MGAT4C: variants seen among roughly 807,000 people sequenced by gnomAD.
MGAT4C encodes MGAT4 family member C.
MGAT4C carries 19 observed loss-of-function variants against 40.1 expected under a neutral mutation model. That is an observed-to-expected ratio of 0.47 (90% confidence interval 0.33 to 0.70). The LOEUF is 0.70. MGAT4C is among the 30% of genes least tolerant of loss of function. The pLI is 0.02. For synonymous variants in MGAT4C, 181 were observed against 187.1 expected (o/e 0.97, Z 0.27); for missense variants, 491 against 563.2 (o/e 0.87, Z 1.30).
At chr12:86,650,093 A>G (rs908197412) in intron 2 of MGAT4C, among the ~76,000 whole-genome samples, 1 of 151,806 alleles carries the variant, frequency 6.6e-6, no homozygotes, top group Non-Finnish European at 1.5e-5. Context: ...TTTTCATGGC[A>G]TTCTATATTT....
At chr12:86,689,504 G>T (rs755868784) in intron 2 of MGAT4C, among the ~76,000 whole-genome samples, 3 of 152,140 alleles carry the variant, frequency 2.0e-5, no homozygotes, top group African/African-American at 7.2e-5. Flanking sequence ...TTGCATGGGC[G>T]TCCTTTTTGT....
intron 1 of MGAT4C, among the ~76,000 whole-genome samples, chr12:86,235,074 C>T (rs1951476039): frequency 6.6e-6 from 1 of 152,008 alleles, no homozygotes; most frequent in Non-Finnish European, 1.5e-5. Context: ...AACAAAACCT[C>T]TCTTATTCCA....
chr12:86,661,360 AT>A (rs946539743), intron 2 of MGAT4C, among the ~76,000 whole-genome samples: 3 of 152,140 alleles, frequency 2.0e-5, no homozygotes, highest in Non-Finnish European at 4.4e-5. Flanking sequence ...AGTTAAAGCA[AT>A]GAGATTTAAA....
rs532634629 is a variant in MGAT4C, at chr12:85,971,644, C to T, written c.*7645G>A. 19 of 151,254 alleles carry T rather than the reference C, an allele frequency of 1.3e-4. No individual in the cohort carries two copies. The highest frequency in any genetic ancestry group is 3.1e-4 in the African/African-American group (13 of 41,438). The allele number at this position is 151,254 out of a possible 1,614,324, so 9.4% of individuals were successfully genotyped here. On this transcript the variant is annotated 3_prime_UTR_variant, in exon 5 of 5. Coordinates refer to ENST00000611864, the MANE Select transcript of MGAT4C (RefSeq NM_001351288.2). Reference sequence around the variant, plus strand: ...TTCTAGTAAGTAAAAACACTAGATACGTACCAAAATTGTCTTTTGACCCTC... The same window carrying T: ...TTCTAGTAAGTAAAAACACTAGATATGTACCAAAATTGTCTTTTGACCCTC...
chr12:86,548,218 G>C (rs1411944454), intron 2 of MGAT4C, among the ~76,000 whole-genome samples: 1 of 152,006 alleles, frequency 6.6e-6, no homozygotes. Flanking sequence ...ATAAGTCAAA[G>C]TAAGAAACTG....
chr12:86,683,264 ACTATCTATCAT>A (rs1330236543), intron 2 of MGAT4C, among the ~76,000 whole-genome samples: 5 of 152,194 alleles, frequency 3.3e-5, no homozygotes, highest in African/African-American at 1.2e-4. Context: ...AATTTATTTA[ACTATCTATCAT>A]CTATCTATCT....
intron 2 of MGAT4C, among the ~76,000 whole-genome samples, chr12:86,575,116 C>T (rs1248005777): frequency 6.6e-6 from 1 of 151,718 alleles, no homozygotes; most frequent in Non-Finnish European, 1.5e-5. Flanking sequence ...CTCATCTCTT[C>T]TCATTTATGC....
Position 85,978,881 on chromosome 12 carries a change from C to T in MGAT4C, c.*408G>A, listed in dbSNP as rs935251753. On this transcript the variant is annotated 3_prime_UTR_variant, in exon 5 of 5. Transcript: ENST00000611864. ...CATTCCACCCAACTGTATATTCCCA[C>T]AGATGCTTAATAAAAGCTATCTGAT... is the stretch of plus-strand genomic sequence containing the variant. 6.5e-6 allele frequency: 1 copy of T among 154,796 alleles called. No individual in the cohort carries two copies. The highest frequency in any genetic ancestry group is 2.4e-5 in the African/African-American group (1 of 41,428). 9.6% of individuals were successfully genotyped at this position (154,796 alleles called of 1,614,324 possible).
intron 2 of MGAT4C, among the ~76,000 whole-genome samples, chr12:86,005,271 A>G (rs1232550325): frequency 6.6e-6 from 1 of 152,152 alleles, no homozygotes; most frequent in Non-Finnish European, 1.5e-5. Context: ...TACATATAAT[A>G]TTTTCTCCCT....
chr12:86,441,539 T>G (rs1957228458), intron 2 of MGAT4C, among the ~76,000 whole-genome samples: 4 of 123,190 alleles, frequency 3.2e-5, no homozygotes, highest in Non-Finnish European at 6.4e-5. Context: ...GATATTCCCC[T>G]TCCTGTGTTC....
intron 1 of MGAT4C, among the ~76,000 whole-genome samples, chr12:86,824,330 T>C (rs1163082740): frequency 2.6e-5 from 4 of 151,658 alleles, no homozygotes; most frequent in African/African-American, 7.2e-5. Flanking sequence ...TTATCTACTT[T>C]ATAAGAAAAA....
chr12:86,324,954 A>C (rs554356155), intron 4 of MGAT4C, among the ~76,000 whole-genome samples: 1 of 152,252 alleles, frequency 6.6e-6, no homozygotes, highest in Admixed American at 6.5e-5. Context: ...TTAGTTTCAG[A>C]TGAGCATTTA....
intron 1 of MGAT4C, among the ~76,000 whole-genome samples, chr12:86,166,342 AAAC>A (rs993529916): frequency 9.9e-5 from 15 of 152,190 alleles, no homozygotes; most frequent in Non-Finnish European, 1.3e-4. Flanking sequence ...ACAAACAAAC[AAAC>A]AACAACAACA....
intron 1 of MGAT4C, among the ~76,000 whole-genome samples, chr12:86,117,044 A>G (rs1006571225): frequency 1.3e-5 from 2 of 152,074 alleles, no homozygotes; most frequent in African/African-American, 4.8e-5. Context: ...ATATTTGATA[A>G]TATCTTATTA....
At chr12:86,717,141 A>G (rs183074580) in intron 2 of MGAT4C, among the ~76,000 whole-genome samples, 1 of 152,148 alleles carries the variant, frequency 6.6e-6, no homozygotes, top group East Asian at 1.9e-4. Flanking sequence ...AATTTTTTTA[A>G]AAAACAGACA....
chr12:86,242,218 T>C lies in MGAT4C; in HGVS notation c.-57+14021A>G, dbSNP rs114322428. On this transcript the variant is annotated intron_variant, in intron 1 of 4. Coordinates refer to ENST00000611864, the MANE Select transcript of MGAT4C (RefSeq NM_001351288.2). ...GCAGTTAACAGGCAGACATTGATTA[T>C]AGAGCTGCACCCATTCAGTCTAACT... Among the ~76,000 whole-genome samples the C allele has an allele frequency of 3.5e-3, 532 of 152,282 alleles. 1 individual carries two copies. Among genetic ancestry groups the C allele is most frequent in the African/African-American group, 0.012 (515 of 41,566 alleles).
intron 2 of MGAT4C, among the ~76,000 whole-genome samples, chr12:86,724,458 T>C (rs1477416681): frequency 1.3e-5 from 2 of 152,190 alleles, no homozygotes; most frequent in Non-Finnish European, 2.9e-5. Flanking sequence ...CAGAGCCATC[T>C]TTTGGGACCC....
At chr12:86,551,045 C>G (rs1183748224) in intron 2 of MGAT4C, among the ~76,000 whole-genome samples, 2 of 151,812 alleles carry the variant, frequency 1.3e-5, no homozygotes, top group African/African-American at 4.8e-5. Flanking sequence ...AAGCCCAAGA[C>G]AGAGCACCAA....
rs139527975 is a variant in MGAT4C, at chr12:86,171,355, G to A, written c.-57+84884C>T. ...TTGCACTCCAGCCTGGGCAACAAGA[G>A]TGAAATTCCATCTCAAAAAAATAAA... On this transcript the variant is annotated intron_variant, in intron 1 of 4. Transcript: ENST00000611864. Among the ~76,000 whole-genome samples the A allele has an allele frequency of 2.4e-3, 372 of 152,250 alleles. 2 individuals are homozygous for A. Among genetic ancestry groups the A allele is most frequent in the Non-Finnish European group, 3.2e-3 (217 of 68,008 alleles).
Sources: gnomAD v4.1 joint callset for allele counts (sites outside exome capture counted in the v4.1 genomes callset) on GRCh38, gnomAD v4.1.1 for gene constraint, MANE v1.5 for transcripts, NCBI Gene and HGNC (gene_info 2026-07-23, HGNC 2026-07-21) for gene names.